Variants in IAH1 observed in about 807,000 individuals in gnomAD.
The protein encoded by IAH1 is isoamyl acetate hydrolyzing esterase 1 (putative), also known as isoamyl acetate-hydrolyzing esterase 1 homolog.
Under a neutral mutation model 26.7 loss-of-function variants are expected in IAH1, and 24 were observed. The observed-to-expected ratio is 0.90, with a 90% CI of 0.65 to 1.26. The LOEUF (loss-of-function observed/expected upper bound fraction) is 1.26. Ranked by LOEUF, IAH1 falls within the 50% of genes most tolerant of loss-of-function variation. The pLI, the probability that IAH1 is intolerant of heterozygous loss-of-function variation, is 0.00. For missense variants in IAH1, 300 were observed against 299.9 expected (o/e 1.00, Z 0.00); for synonymous variants, 140 against 118.5 (o/e 1.18, Z -1.18).
intron 2 of IAH1, among the ~76,000 whole-genome samples, chr2:9,477,078 CTG>C (rs1297787575): frequency 6.6e-6 from 1 of 152,188 alleles, no homozygotes; most frequent in African/African-American, 2.4e-5. Context: ...TGATTTCACT[CTG>C]TAAAATGGCT....
the IAH1 span, chr2:9,505,115 G>A: frequency 1.3e-6 from 2 of 1,580,986 alleles, no homozygotes; most frequent in Non-Finnish European, 1.7e-6. Context: ...CTCTTATTTT[G>A]GACATCTTGT....
Position 9,494,813 on chromosome 2 carries a change from G to A in IAH1, c.*175G>A, listed in dbSNP as rs35975089. On this transcript the variant is annotated 3_prime_UTR_variant, in exon 6 of 7. Transcript: ENST00000481367. ...TGACAGCTGGATTGTTCTGAGACCT[G>A]CCTCTCCTCCTGCCTCCTCTTTCCT... is the stretch of plus-strand genomic sequence containing the variant. The A allele has an allele frequency of 0.012, 19,488 of 1,604,468 alleles. 2,087 individuals carry two copies. In the African/African-American group the frequency reaches 0.23, roughly 19 times the overall value.
In IAH1 at chr2:9,481,287, T is replaced by C; in HGVS notation, c.285T>C (p.Asp95=). Residue 95 remains aspartate (D), a splice_region_variant and synonymous_variant, in exon 4 of 6, where the codon GAT becomes GAC. Transcript: ENST00000497473. The stretch of plus-strand genomic sequence containing the variant: ...AGGACTCATGTTTCTCTTGAGCAGA[T>C]GAGAATCCCAAGCAGCACATTCCCC... The part of the protein sequence containing the change: ...FFGANDSALK[D]ENPKQHIPLE... 1 of 1,613,968 alleles carries C rather than the reference T, an allele frequency of 6.2e-7. No individual in the cohort carries two copies. The highest frequency in any genetic ancestry group is 8.5e-7 in the Non-Finnish European group (1 of 1,179,846).
downstream of IAH1, chr2:9,490,522 C>G (rs1558490131): frequency 6.2e-7 from 1 of 1,608,550 alleles, no homozygotes; most frequent in South Asian, 1.1e-5. Flanking sequence ...CGACGTTCTG[C>G]AAAGACATGG....
Position 9,474,578 on chromosome 2 carries a change from C to G in IAH1, c.12C>G (p.Cys4Trp). ...CGCCCGGCTGCTCCATGGCGCTGTG[C>G]GAGGCCGCGGGCTGCGGGAGTGCCC... is the stretch of plus-strand genomic sequence containing the variant. MAL[C>W]EAAGCGSALL... The change falls in exon 1 of 6, where the codon TGC becomes TGG. Residue 4 changes from cysteine (C) to tryptophan (W), a missense_variant. Cys to Trp is a radical substitution (Grantham distance 215). Coordinates refer to ENST00000497473, the MANE Select transcript of IAH1 (RefSeq NM_001039613.3). The surrounding 1 kb of genome is among the most constrained non-coding windows in gnomAD (Gnocchi z 4.3). 6.5e-7 allele frequency: 1 copy of G among 1,527,984 alleles called. No homozygotes were observed. The highest frequency in any genetic ancestry group is 8.7e-7 in the Non-Finnish European group (1 of 1,143,814). The allele number at this position is 1,527,984 out of a possible 1,614,324, so 94.7% of individuals were successfully genotyped here.
Position 9,494,793 on chromosome 2 carries a change from G to C in IAH1, c.*155G>C, listed in dbSNP as rs773711019. ...CTGGAACAGAGAACACGCATTGACA[G>C]CTGGATTGTTCTGAGACCTGCCTCT... On this transcript the variant is annotated 3_prime_UTR_variant, in exon 6 of 7. Transcript: ENST00000481367. 1.2e-5 allele frequency: 20 copies of C among 1,612,584 alleles called. No homozygotes were observed. The South Asian group carries it at 2.2e-4, about 18-fold the overall frequency.
chr2:9,502,709 T>C, the IAH1 span, among the ~76,000 whole-genome samples: 2 of 151,474 alleles, frequency 1.3e-5, no homozygotes, highest in African/African-American at 4.9e-5. Flanking sequence ...TGAAACCCCA[T>C]CTCTACTAAA....
At chr2:9,489,832 T>A (rs1281677919), downstream of IAH1, 1 of 172,086 alleles carries the variant, frequency 5.8e-6, no homozygotes, top group African/African-American at 2.4e-5. Context: ...AACTGATCAT[T>A]TCCCTAGTCA....
At chr2:9,499,819 C>A (rs1288968182), downstream of IAH1, among the ~76,000 whole-genome samples, 1 of 152,146 alleles carries the variant, frequency 6.6e-6, no homozygotes, top group African/African-American at 2.4e-5. Flanking sequence ...AAATAGGACA[C>A]AACTTCATTC....
At chr2:9,479,918 C>G (rs1177222409) in intron 3 of IAH1, among the ~76,000 whole-genome samples, 1 of 146,978 alleles carries the variant, frequency 6.8e-6, no homozygotes, top group Non-Finnish European at 1.5e-5. Flanking sequence ...AAATGATTCT[C>G]CTGCTTCAGC....
At chr2:9,510,784 A>G in the IAH1 span, among the ~76,000 whole-genome samples, 1 of 152,204 alleles carries the variant, frequency 6.6e-6, no homozygotes, top group South Asian at 2.1e-4. Flanking sequence ...GTGATCTATG[A>G]TCACACCACT....
chr2:9,474,030 C>G (rs1011791595), upstream of IAH1: 1 of 152,328 alleles, frequency 6.6e-6, no homozygotes, highest in Non-Finnish European at 1.5e-5. This position sits in a 1 kb window ranked among gnomAD's most constrained non-coding sequence, Gnocchi z 4.3. Context: ...GCCGGCTGCG[C>G]GCGCACTGAA....
chr2:9,499,114 T>TTC (rs1662830333), downstream of IAH1, among the ~76,000 whole-genome samples: 1 of 20,772 alleles, frequency 4.8e-5, no homozygotes, highest in African/African-American at 2.2e-3. Context: ...TTTCTTCTTC[T>TTC]TTTTTTTTTT....
chr2:9,494,706 G>A (rs1422995482), downstream of IAH1: 7 of 1,613,810 alleles, frequency 4.3e-6, no homozygotes, highest in African/African-American at 2.7e-5. Flanking sequence ...GTTCAGCATC[G>A]ACATAGGGCA....
chr2:9,477,295 T>C (rs925433716), intron 2 of IAH1, among the ~76,000 whole-genome samples: 1 of 152,042 alleles, frequency 6.6e-6, no homozygotes, highest in African/African-American at 2.4e-5. Flanking sequence ...TGGTTATGCA[T>C]GTATGGGAAT....
chr2:9,504,594 G>A, the IAH1 span, among the ~76,000 whole-genome samples: 2 of 151,514 alleles, frequency 1.3e-5, no homozygotes, highest in Middle Eastern at 3.4e-3. Flanking sequence ...GTGAAACCTC[G>A]TCTCTACTAA....
chr2:9,500,492 A>G (rs1662933949), downstream of IAH1, among the ~76,000 whole-genome samples: 1 of 152,242 alleles, frequency 6.6e-6, no homozygotes, highest in Admixed American at 6.5e-5. Context: ...TGATGACTGC[A>G]TAAATCTGAA....
intron 5 of IAH1, chr2:9,485,936 T>C (rs1419233786): frequency 6.6e-6 from 1 of 152,276 alleles, no homozygotes; most frequent in Non-Finnish European, 1.5e-5. Context: ...AAGGATCCAG[T>C]GTGCGGGAAG....
rs6759574 is a variant in IAH1 at position 9,484,424 on chromosome 2, T to G, written c.446-8T>G. 19,417 of 1,609,980 alleles carry G rather than the reference T, an allele frequency of 0.012. 2,045 individuals carry two copies. In the African/African-American group the frequency reaches 0.22, roughly 19 times the overall value. On this transcript the variant is annotated splice_region_variant and splice_polypyrimidine_tract_variant and intron_variant, in intron 4 of 5. Transcript: ENST00000497473. ...CCAACTGCCACCTCTATTTCTTCTCTTCAATAGGTTGCAAACTAAATCGCC... is the reference window on the plus strand; with the variant it reads ...CCAACTGCCACCTCTATTTCTTCTCGTCAATAGGTTGCAAACTAAATCGCC...
Sources: gnomAD v4.1 joint callset for allele counts (sites outside exome capture counted in the v4.1 genomes callset) on GRCh38, gnomAD v4.1.1 for gene constraint, Gnocchi (gnomAD v3.1) non-coding constraint, MANE v1.5 for transcripts, NCBI Gene and HGNC (gene_info 2026-07-23, HGNC 2026-07-21) for gene names.